The following DDR2 variants were observed in gnomAD, a reference collection of about 807,000 sequenced individuals.
DDR2 encodes discoidin domain-containing receptor 2.
In DDR2, 27 loss-of-function variants were observed where a neutral mutation model predicts 94.9. The ratio of observed to expected loss-of-function variants is 0.28; its 90% CI spans 0.21 to 0.39. The LOEUF (loss-of-function observed/expected upper bound fraction) is 0.39, where lower values mean the gene tolerates loss of function less well. Ranked by LOEUF, DDR2 falls within the 10% of genes least tolerant of loss-of-function variation. DDR2 has a pLI of 1.00. For synonymous variants in DDR2, 382 were observed against 377.2 expected (o/e 1.01, Z -0.15); for missense variants, 783 against 1,076.0 (o/e 0.73, Z 3.81).
chr1:162,768,793 T>C (rs1312008929), intron 11 of DDR2, among the ~76,000 whole-genome samples: 3 of 152,212 alleles, frequency 2.0e-5, no homozygotes, highest in Non-Finnish European at 4.4e-5. Flanking sequence ...CACTTAAAGC[T>C]TTCAATTCGC....
At chr1:162,667,024 G>T (rs1029292625) in intron 2 of DDR2, among the ~76,000 whole-genome samples, 6 of 150,752 alleles carry the variant, frequency 4.0e-5, no homozygotes, top group Admixed American at 3.3e-4. Flanking sequence ...TTTTCAAAAT[G>T]GAACTATTCA....
intron 2 of DDR2, among the ~76,000 whole-genome samples, chr1:162,671,614 G>C (rs1390207537): frequency 6.6e-6 from 1 of 152,102 alleles, no homozygotes; most frequent in Non-Finnish European, 1.5e-5. Flanking sequence ...GGCCTTGTCA[G>C]GCTGCCCCTG....
chr1:162,703,838 G>C (rs1330904265), intron 2 of DDR2, among the ~76,000 whole-genome samples: 1 of 152,120 alleles, frequency 6.6e-6, no homozygotes, highest in Non-Finnish European at 1.5e-5. Context: ...AGCCTTTCCA[G>C]AGTGTGTCTG....
At chr1:162,741,092 A>ATGAG (rs1322189856) in intron 3 of DDR2, among the ~76,000 whole-genome samples, 1 of 151,674 alleles carries the variant, frequency 6.6e-6, no homozygotes, top group African/African-American at 2.4e-5. Flanking sequence ...CTCATACAGG[A>ATGAG]TGAGTATCCC....
At chr1:162,752,198 A>C (rs1663246978) in intron 3 of DDR2, among the ~76,000 whole-genome samples, 1 of 152,014 alleles carries the variant, frequency 6.6e-6, no homozygotes, top group Non-Finnish European at 1.5e-5. Flanking sequence ...CGAAATTTAA[A>C]TTTAACTAGG....
chr1:162,777,325 A>T (rs1177313646), intron 16 of DDR2, among the ~76,000 whole-genome samples: 1 of 152,136 alleles, frequency 6.6e-6, no homozygotes, highest in Non-Finnish European at 1.5e-5. Context: ...ACACTATGCC[A>T]TACAATTCTC....
rs533463948 is a variant in DDR2, at chr1:162,681,436, C to T, written c.-28+26062C>T. 7.2e-5 allele frequency among the ~76,000 whole-genome samples: 11 copies of T among 152,296 alleles called. No individual in the cohort carries two copies. In the East Asian group the frequency reaches 1.7e-3, roughly 24 times the overall value. ...ATTAATTAGGCCACTCAGGCCTACC[C>T]GAATCCCAAGAGACCATTTATGGAT... On this transcript the variant is annotated intron_variant, in intron 2 of 17. Transcript: ENST00000367921.
At position 162,772,190 on chromosome 1, in the gene DDR2, G is replaced by T; in HGVS notation, c.1671G>T (p.Glu557Asp). Residue 557 changes from glutamate to aspartate, a missense_variant, in exon 13 of 18, where the codon GAG (glutamate) becomes GAT (aspartate). By Grantham distance (45) the Glu-to-Asp change is conservative. Around this residue, in one of 2 missense-constraint regions of DDR2, gnomAD observed 264 missense variants for 428.2 expected, o/e 0.62. Coordinates refer to ENST00000367921, the MANE Select transcript of DDR2 (RefSeq NM_006182.4). ...LLSGKDVAVE[E>D]FPRKLLTFKE... Reference sequence around the variant, plus strand: ...CAGGAAAAGATGTGGCTGTGGAGGAGTTCCCCAGGAAACTCCTAACTTTCA... The same window carrying T: ...CAGGAAAAGATGTGGCTGTGGAGGATTTCCCCAGGAAACTCCTAACTTTCA... 1 of 1,614,256 alleles carries T rather than the reference G, an allele frequency of 6.2e-7. No homozygotes were observed. Among genetic ancestry groups the T allele is most frequent in the Non-Finnish European group, 8.5e-7 (1 of 1,180,050 alleles).
At chr1:162,662,210 C>A (rs1658336170) in intron 2 of DDR2, among the ~76,000 whole-genome samples, 2 of 152,192 alleles carry the variant, frequency 1.3e-5, no homozygotes, top group Admixed American at 1.3e-4. Context: ...TTCATTCATT[C>A]ATTCATTCAC....
Position 162,780,348 on chromosome 1 carries a change from GAGAGAC to G in DDR2, c.*107_*112del. 1 of 1,550,666 alleles carries G rather than the reference GAGAGAC, an allele frequency of 6.4e-7. No homozygotes were observed. Among genetic ancestry groups the G allele is most frequent in the Non-Finnish European group, 8.8e-7 (1 of 1,136,484 alleles). ...CTCCATCTGGACATTTAATGAAACT[GAGAGAC>G]AGAGGCTTGTTTGCTTTGCCCTCTT... On this transcript the variant is annotated 3_prime_UTR_variant, in exon 18 of 18. Transcript: ENST00000367921.
intron 7 of DDR2, among the ~76,000 whole-genome samples, chr1:162,758,266 C>T (rs963691146): frequency 6.6e-6 from 1 of 152,076 alleles, no homozygotes; most frequent in African/African-American, 2.4e-5. Flanking sequence ...GTGAAGAGAT[C>T]CTCTCAGCCA....
At chr1:162,658,148 G>A (rs772489553) in intron 2 of DDR2, among the ~76,000 whole-genome samples, 1 of 152,120 alleles carries the variant, frequency 6.6e-6, no homozygotes, top group Non-Finnish European at 1.5e-5. Flanking sequence ...TTTTTCCACA[G>A]CAAGTGGCCT....
In DDR2 at chr1:162,772,029, A is replaced by G; in HGVS notation, c.1510A>G (p.Ser504Gly). The G allele has an allele frequency of 1.2e-6, 2 of 1,605,488 alleles. No individual in the cohort carries two copies. Among genetic ancestry groups the G allele is most frequent in the Non-Finnish European group, 1.7e-6 (2 of 1,176,160 alleles). ...FAPGEEESGC[S>G]GVVKPVQPSG... is the part of the protein sequence containing the mutation. Reference sequence around the variant, plus strand: ...CGTTGCCCTTGTCTTCCCAGGCTGCAGCGGTGTTGTGAAGCCAGTCCAGCC... The same window carrying G: ...CGTTGCCCTTGTCTTCCCAGGCTGCGGCGGTGTTGTGAAGCCAGTCCAGCC... The change falls in exon 13 of 18, where the codon AGC becomes GGC. Residue 504 changes from serine (S) to glycine (G), a missense_variant. By Grantham distance (56) the Ser-to-Gly change is moderately conservative. This residue lies in a region of DDR2 where 519 missense variants were observed against 647.9 expected (regional missense o/e 0.80). Coordinates refer to ENST00000367921, the MANE Select transcript of DDR2 (RefSeq NM_006182.4).
Position 162,781,383 on chromosome 1 carries a change from A to G in DDR2, c.*1137A>G, listed in dbSNP as rs1647898852. ...ATGTGGAGAAGTTACAGGGAGACTGATTTCCATTCCTTATTGGGGAAAACG... is the reference window on the plus strand; with the variant it reads ...ATGTGGAGAAGTTACAGGGAGACTGGTTTCCATTCCTTATTGGGGAAAACG... On this transcript the variant is annotated 3_prime_UTR_variant, in exon 18 of 18. Transcript: ENST00000367921. 6.6e-6 allele frequency: 1 copy of G among 152,224 alleles called. No homozygotes were observed. The highest frequency in any genetic ancestry group is 2.4e-5 in the African/African-American group (1 of 41,454). The allele number at this position is 152,224 out of a possible 1,614,324, so 9.4% of individuals were successfully genotyped here. A position where few individuals can be genotyped will look rare whatever the true frequency, so the allele number is the denominator to read the frequency against.
intron 3 of DDR2, among the ~76,000 whole-genome samples, chr1:162,726,584 G>T (rs548519398): frequency 1.1e-4 from 17 of 152,122 alleles, no homozygotes; most frequent in Non-Finnish European, 2.1e-4. Context: ...TTGTCAGTAG[G>T]GATAGAGGCC....
At chr1:162,740,976 G>A (rs1411249416) in intron 3 of DDR2, among the ~76,000 whole-genome samples, 1 of 151,944 alleles carries the variant, frequency 6.6e-6, no homozygotes, top group Non-Finnish European at 1.5e-5. Flanking sequence ...TTTGGTTAAA[G>A]CAAAGGTTAA....
intron 3 of DDR2, among the ~76,000 whole-genome samples, chr1:162,741,210 A>AATACG (rs1381465056): frequency 1.7e-4 from 2 of 12,096 alleles, no homozygotes; most frequent in South Asian, 2.7e-3. Context: ...AATACAATAC[A>AATACG]ATATAATATA....
chr1:162,718,187 A>T (rs1446387789), intron 2 of DDR2, among the ~76,000 whole-genome samples: 2 of 152,170 alleles, frequency 1.3e-5, no homozygotes, highest in Admixed American at 1.3e-4. Context: ...ATACCCCATC[A>T]TCTTTTTGTG....
In DDR2 at chr1:162,786,929, C is replaced by G. The variant is rs1648174294; in HGVS notation, c.*6683C>G. On this transcript the variant is annotated 3_prime_UTR_variant, in exon 18 of 18. Coordinates refer to ENST00000367921, the MANE Select transcript of DDR2 (RefSeq NM_006182.4). ...CTTGTCTTGTTTGATACACAGAAATCCTTTTTAAATCCAAATATAGTCTGT... is the reference window on the plus strand; with the variant it reads ...CTTGTCTTGTTTGATACACAGAAATGCTTTTTAAATCCAAATATAGTCTGT... 6.6e-6 allele frequency: 1 copy of G among 152,126 alleles called. No homozygotes were observed. Among genetic ancestry groups the G allele is most frequent in the African/African-American group, 2.4e-5 (1 of 41,426 alleles). 9.4% of individuals were successfully genotyped at this position (152,126 alleles called of 1,614,324 possible).
Sources: allele counts gnomAD v4.1 joint callset (sites outside exome capture counted in the v4.1 genomes callset), GRCh38; gene constraint gnomAD v4.1.1; regional missense constraint gnomAD v4.1.1; transcripts MANE v1.5; gene names NCBI Gene and HGNC (gene_info 2026-07-23, HGNC 2026-07-21).